INPP4B: variants seen among roughly 807,000 people sequenced by gnomAD.
INPP4B encodes the protein inositol polyphosphate 4-phosphatase type II.
A neutral mutation model predicts 122.5 loss-of-function variants in INPP4B; 55 were observed. The ratio of observed to expected loss-of-function variants is 0.45; its 90% CI spans 0.36 to 0.56. The LOEUF is 0.56. Ranked by LOEUF, INPP4B falls within the 20% of genes least tolerant of loss-of-function variation. The pLI is 0.00. For synonymous variants in INPP4B, 403 were observed against 388.7 expected (o/e 1.04, Z -0.43); for missense variants, 1,000 against 1,097.7 (o/e 0.91, Z 1.26).
chr4:142,447,172 A>T (rs558025551), intron 3 of INPP4B, among the ~76,000 whole-genome samples: 1 of 152,186 alleles, frequency 6.6e-6, no homozygotes, highest in Non-Finnish European at 1.5e-5. Flanking sequence ...ACAAGCAAGC[A>T]TGTGTCAAGG....
intron 7 of INPP4B, chr4:142,383,866 C>T (rs910675776): frequency 8.1e-6 from 4 of 492,298 alleles, no homozygotes; most frequent in African/African-American, 1.9e-5. Context: ...GAATAATATC[C>T]GGGTGGCGGG....
Position 142,201,697 on chromosome 4 carries a change from G to A in INPP4B, c.1072+6728C>T, listed in dbSNP as rs138874907. Among the ~76,000 whole-genome samples the A allele has an allele frequency of 5.9e-3, 886 of 151,128 alleles. 9 individuals carry two copies. The highest frequency in any genetic ancestry group is 0.021 in the African/African-American group (852 of 41,200). On this transcript the variant is annotated intron_variant, in intron 14 of 25. Transcript: ENST00000262992. Reference sequence around the variant, plus strand: ...TGTTTTCCTCCAAAGAGAAAAAAATGTACAAGAAAAAAAAATAACCTATAA... The same window carrying A: ...TGTTTTCCTCCAAAGAGAAAAAAATATACAAGAAAAAAAAATAACCTATAA...
chr4:142,378,599 T>C (rs138331149), intron 7 of INPP4B, among the ~76,000 whole-genome samples: 31 of 152,310 alleles, frequency 2.0e-4, no homozygotes, highest in Non-Finnish European at 4.0e-4. Flanking sequence ...TCTTTAAGCC[T>C]ACATTAATTG....
intron 2 of INPP4B, among the ~76,000 whole-genome samples, chr4:142,647,635 G>C (rs1752074912): frequency 6.6e-6 from 1 of 152,160 alleles, no homozygotes; most frequent in Non-Finnish European, 1.5e-5. Context: ...AAAATACCTA[G>C]CTAGAGAGAG....
intron 1 of INPP4B, among the ~76,000 whole-genome samples, chr4:142,796,415 G>A (rs72728654): frequency 0.24 from 36,853 of 151,870 alleles, 4,678 homozygotes; most frequent in South Asian, 0.35. Flanking sequence ...CTGGAAACCT[G>A]TTAAGAATAA....
intron 16 of INPP4B, among the ~76,000 whole-genome samples, chr4:142,171,746 G>T (rs1825723832): frequency 6.6e-6 from 1 of 151,838 alleles, no homozygotes; most frequent in African/African-American, 2.4e-5. Context: ...AGTCGACTAA[G>T]CTTGTCTACT....
Position 142,025,224 on chromosome 4 carries a change from A to G in INPP4B, c.*3558T>C, listed in dbSNP as rs1214828234. On this transcript the variant is annotated 3_prime_UTR_variant, in exon 26 of 26. Coordinates refer to ENST00000262992, the MANE Select transcript of INPP4B (RefSeq NM_001101669.3). Reference sequence around the variant, plus strand: ...CTCCCACTGTGGACAGTTTCAAGCTACGAACACCATGTTACTGAATCTGCA... The same window carrying G: ...CTCCCACTGTGGACAGTTTCAAGCTGCGAACACCATGTTACTGAATCTGCA... 6.6e-6 allele frequency: 1 copy of G among 152,134 alleles called. No homozygotes were observed. The highest frequency in any genetic ancestry group is 1.5e-5 in the Non-Finnish European group (1 of 68,032). The allele number at this position is 152,134 out of a possible 1,614,324, so 9.4% of individuals were successfully genotyped here.
chr4:142,787,765 A>G (rs998793247), intron 1 of INPP4B, among the ~76,000 whole-genome samples: 7 of 152,116 alleles, frequency 4.6e-5, no homozygotes, highest in African/African-American at 1.2e-4. Flanking sequence ...AAAAAAATCT[A>G]CTATCAAAAT....
chr4:142,437,890 T>A (rs1810867731), intron 3 of INPP4B, among the ~76,000 whole-genome samples: 1 of 152,050 alleles, frequency 6.6e-6, no homozygotes, highest in African/African-American at 2.4e-5. Flanking sequence ...ATAAATAGCC[T>A]AGCAACCAAA....
chr4:142,291,946 C>T (rs1323511641), intron 9 of INPP4B, among the ~76,000 whole-genome samples: 1 of 152,058 alleles, frequency 6.6e-6, no homozygotes, highest in Non-Finnish European at 1.5e-5. Flanking sequence ...AAATACAAAA[C>T]CAGTAATATT....
intron 22 of INPP4B, among the ~76,000 whole-genome samples, chr4:142,108,582 T>C (rs1326472329): frequency 1.3e-5 from 2 of 152,150 alleles, no homozygotes; most frequent in African/African-American, 4.8e-5. Flanking sequence ...ATTTCACTCG[T>C]GGCAGCTGAG....
intron 2 of INPP4B, among the ~76,000 whole-genome samples, chr4:142,705,371 A>G (rs1024552630): frequency 6.6e-6 from 1 of 151,942 alleles, no homozygotes; most frequent in Non-Finnish European, 1.5e-5. Flanking sequence ...TCAGTGAATG[A>G]CTGAAGCCAT....
chr4:142,787,243 T>G (rs2151050278), intron 1 of INPP4B, among the ~76,000 whole-genome samples: 1 of 152,256 alleles, frequency 6.6e-6, no homozygotes, highest in Non-Finnish European at 1.5e-5. Flanking sequence ...AAACTTAATT[T>G]GCAATACAAC....
intron 2 of INPP4B, among the ~76,000 whole-genome samples, chr4:142,550,036 G>A (rs568029863): frequency 1.7e-3 from 261 of 152,272 alleles, no homozygotes; most frequent in African/African-American, 5.9e-3. Context: ...TTCACTGTCA[G>A]GAACAACTGT....
intron 5 of INPP4B, among the ~76,000 whole-genome samples, chr4:142,413,319 G>A (rs535435207): frequency 6.6e-6 from 1 of 152,034 alleles, no homozygotes; most frequent in South Asian, 2.1e-4. Flanking sequence ...AAAGGTCAGC[G>A]GATAAAAGCA....
intron 12 of INPP4B, among the ~76,000 whole-genome samples, chr4:142,218,554 G>T (rs2149670525): frequency 6.6e-6 from 1 of 152,174 alleles, no homozygotes; most frequent in Admixed American, 6.5e-5. Flanking sequence ...ATACAGCAAA[G>T]GATATAGCCC....
At position 142,112,655 on chromosome 4, in the gene INPP4B, A is replaced by T; in HGVS notation, c.2163T>A (p.Leu721=). The T allele has an allele frequency of 6.2e-7, 1 of 1,612,940 alleles. No homozygotes were observed. Among genetic ancestry groups the T allele is most frequent in the Non-Finnish European group, 8.5e-7 (1 of 1,179,408 alleles). ...GTAGTGACTCAAACATTCTGGCTGG[A>T]AGCTTGACCTCTACCACGTAATGTT... ...RREHYVVEVK[L]PARMFESLPL... Residue 721 remains leucine, a synonymous_variant, in exon 22 of 26, where the codon CTT becomes CTA. Transcript: ENST00000262992.
intron 2 of INPP4B, among the ~76,000 whole-genome samples, chr4:142,578,906 T>C (rs1253665613): frequency 6.6e-6 from 1 of 151,986 alleles, no homozygotes; most frequent in Non-Finnish European, 1.5e-5. Context: ...AGAGAGAAAT[T>C]ATAGTCCTCT....
chr4:142,432,295 T>A (rs1249733848), intron 3 of INPP4B, among the ~76,000 whole-genome samples: 2 of 152,210 alleles, frequency 1.3e-5, no homozygotes, highest in South Asian at 4.1e-4. Flanking sequence ...ATACTAATAA[T>A]GTCTCAAACT....
Sources: allele counts gnomAD v4.1 joint callset (sites outside exome capture counted in the v4.1 genomes callset), GRCh38; gene constraint gnomAD v4.1.1; transcripts MANE v1.5; gene names NCBI Gene and HGNC (gene_info 2026-07-23, HGNC 2026-07-21).